KATNIP: variants seen among roughly 807,000 people sequenced by gnomAD.
KATNIP encodes the protein katanin interacting protein, also known as katanin-interacting protein.
In KATNIP, 126 loss-of-function variants were observed where a neutral mutation model predicts 174.0. The ratio of observed to expected loss-of-function variants is 0.72; its 90% CI spans 0.63 to 0.84. The LOEUF (loss-of-function observed/expected upper bound fraction) is 0.84, where lower values mean the gene tolerates loss of function less well. Ranked by LOEUF, KATNIP falls within the 40% of genes least tolerant of loss-of-function variation. The pLI is 0.00. For synonymous variants in KATNIP, 810 were observed against 835.7 expected (o/e 0.97, Z 0.53); for missense variants, 1,958 against 2,109.7 (o/e 0.93, Z 1.41).
At chr16:27,569,521 A>G (rs2090210003) in intron 1 of KATNIP, among the ~76,000 whole-genome samples, 1 of 152,212 alleles carries the variant, frequency 6.6e-6, no homozygotes, top group Admixed American at 6.5e-5. Flanking sequence ...CACCCCCTTA[A>G]TTTTGCAAGT....
intron 1 of KATNIP, among the ~76,000 whole-genome samples, chr16:27,554,534 C>T (rs1285632067): frequency 6.6e-6 from 1 of 152,074 alleles, no homozygotes; most frequent in Non-Finnish European, 1.5e-5. Flanking sequence ...TTTGTGGACC[C>T]CTCCTTCTCC....
At chr16:27,746,805 G>A (rs2081312520) in intron 15 of KATNIP, among the ~76,000 whole-genome samples, 1 of 152,178 alleles carries the variant, frequency 6.6e-6, no homozygotes, top group Non-Finnish European at 1.5e-5. Context: ...ATGGTGGGGA[G>A]CGCAGAGGGG....
At chr16:27,559,034 AC>A (rs928732150) in intron 1 of KATNIP, among the ~76,000 whole-genome samples, 44 of 152,296 alleles carry the variant, frequency 2.9e-4, no homozygotes, top group African/African-American at 1.0e-3. Flanking sequence ...TTTGAAAGGT[AC>A]CCGTTTTGAC....
intron 6 of KATNIP, 141 bp from the exon 7 acceptor site, chr16:27,677,588 A>G (rs1287799679): frequency 2.4e-6 from 2 of 844,922 alleles, no homozygotes; most frequent in Non-Finnish European, 3.6e-6. Flanking sequence ...TCTTCAAAGC[A>G]GTGACATCAC....
chr16:27,639,018 C>A (rs1455362399), intron 5 of KATNIP, among the ~76,000 whole-genome samples: 1 of 151,996 alleles, frequency 6.6e-6, no homozygotes, highest in Non-Finnish European at 1.5e-5. Context: ...CTGACCAAGC[C>A]CAATCCATTC....
intron 2 of KATNIP, among the ~76,000 whole-genome samples, chr16:27,580,910 C>T (rs2090675513): frequency 6.6e-6 from 1 of 152,022 alleles, no homozygotes; most frequent in Admixed American, 6.6e-5. Context: ...TGGAAAAGCA[C>T]TCTATAATCA....
intron 2 of KATNIP, among the ~76,000 whole-genome samples, chr16:27,576,282 T>C (rs2141728686): frequency 6.6e-6 from 1 of 152,246 alleles, no homozygotes; most frequent in Non-Finnish European, 1.5e-5. Flanking sequence ...AGATCATTTC[T>C]CTCCTGGGAA....
At chr16:27,598,779 GT>G (rs2075419029) in intron 2 of KATNIP, among the ~76,000 whole-genome samples, 1 of 152,178 alleles carries the variant, frequency 6.6e-6, no homozygotes, top group Non-Finnish European at 1.5e-5. Context: ...ACATGCAGGG[GT>G]TTATTGGGAG....
At chr16:27,722,012 C>G (rs1213830061) in intron 14 of KATNIP, among the ~76,000 whole-genome samples, 2 of 152,222 alleles carry the variant, frequency 1.3e-5, no homozygotes, top group East Asian at 3.8e-4. Flanking sequence ...CACAGCCAGT[C>G]AGTGTCAGAA....
chr16:27,587,761 A>G (rs538762704), intron 2 of KATNIP, among the ~76,000 whole-genome samples: 8 of 152,350 alleles, frequency 5.3e-5, no homozygotes, highest in Admixed American at 2.6e-4. Flanking sequence ...ATGCTTGTTT[A>G]GGTACTTGAA....
chr16:27,771,184 G>A (rs555729178), intron 21 of KATNIP, among the ~76,000 whole-genome samples: 11 of 152,230 alleles, frequency 7.2e-5, no homozygotes, highest in Non-Finnish European at 1.5e-4. Flanking sequence ...TAAGAAAGGG[G>A]GCAGTGGTAC....
intron 1 of KATNIP, 24 bp downstream of exon 1, chr16:27,550,201 G>T: frequency 6.2e-7 from 1 of 1,607,052 alleles, no homozygotes; most frequent in Non-Finnish European, 8.5e-7. Flanking sequence ...GGCCCCTCCG[G>T]GAGGTCGGGC....
Position 27,749,889 on chromosome 16 carries a change from T to A in KATNIP, c.2929T>A (p.Leu977Met), listed in dbSNP as rs748268715. The A allele has an allele frequency of 1.4e-5, 23 of 1,614,068 alleles. No individual in the cohort carries two copies. In the Admixed American group the frequency reaches 3.8e-4, roughly 27 times the overall value. Reference sequence around the variant, plus strand: ...CCCCGTCTTGCCTTATGGACAGCGCTTGGTCATTGACATCAAGTCTACCTG... The same window carrying A: ...CCCCGTCTTGCCTTATGGACAGCGCATGGTCATTGACATCAAGTCTACCTG... ...KIPVLPYGQR[L>M]VIDIKSTWGD... Residue 977 changes from leucine to methionine, a missense_variant, in exon 16 of 28, where the codon TTG (leucine) becomes ATG (methionine). Physicochemically the swap from Leu to Met is conservative, Grantham distance 15 (BLOSUM62 2). This residue lies in a region of KATNIP where 1,557 missense variants were observed against 1,617.8 expected (regional missense o/e 0.96). Coordinates refer to ENST00000261588, the MANE Select transcript of KATNIP (RefSeq NM_015202.5).
At position 27,617,727 on chromosome 16, in the gene KATNIP, G is replaced by A. The variant is rs151105973; in HGVS notation, c.64-698G>A. Among the ~76,000 whole-genome samples the A allele has an allele frequency of 7.6e-3, 1,155 of 152,180 alleles. 30 individuals carry two copies. The highest frequency in any genetic ancestry group is 0.054 in the Admixed American group (831 of 15,274). ...ATACATTTCTCTTGAAATGGCAGGG[G>A]GAAAATAAGATTCCCCTCCCCTTTT... On this transcript the variant is annotated intron_variant, in intron 2 of 27. Transcript: ENST00000261588.
intron 2 of KATNIP, among the ~76,000 whole-genome samples, chr16:27,606,893 T>A (rs2075726219): frequency 6.6e-6 from 1 of 152,078 alleles, no homozygotes; most frequent in Non-Finnish European, 1.5e-5. Flanking sequence ...CATGGAACAT[T>A]TAAGGTTGCT....
At chr16:27,709,031 A>C (rs1469231535) in intron 13 of KATNIP, 111 bp downstream of exon 13, 2 of 846,964 alleles carry the variant, frequency 2.4e-6, no homozygotes, top group South Asian at 3.4e-5. Context: ...AAGAACAACA[A>C]AATCTGGCCA....
chr16:27,556,232 C>G (rs996136732), intron 1 of KATNIP, among the ~76,000 whole-genome samples: 1 of 152,120 alleles, frequency 6.6e-6, no homozygotes, highest in Non-Finnish European at 1.5e-5. Context: ...GCTGATGAAG[C>G]TCTCTAGCAG....
intron 6 of KATNIP, among the ~76,000 whole-genome samples, chr16:27,653,730 C>T (rs1353737003): frequency 6.6e-6 from 1 of 151,756 alleles, no homozygotes; most frequent in Non-Finnish European, 1.5e-5. Context: ...ACAATCACAG[C>T]TCATTGCAAC....
intron 12 of KATNIP, among the ~76,000 whole-genome samples, chr16:27,706,279 T>G (rs546675860): frequency 6.6e-6 from 1 of 152,162 alleles, no homozygotes; most frequent in East Asian, 1.9e-4. Context: ...TTTCTCCCCA[T>G]GTAAATCTGT....
Sources: allele counts gnomAD v4.1 joint callset (sites outside exome capture counted in the v4.1 genomes callset), GRCh38; gene constraint gnomAD v4.1.1; regional missense constraint gnomAD v4.1.1; transcripts MANE v1.5; gene names NCBI Gene and HGNC (gene_info 2026-07-23, HGNC 2026-07-21).